PPIP5K2: variants seen among roughly 807,000 people sequenced by gnomAD.
The protein encoded by PPIP5K2 is diphosphoinositol pentakisphosphate kinase 2.
PPIP5K2 carries 105 observed loss-of-function variants against 154.6 expected under a neutral mutation model. The observed-to-expected ratio is 0.68, with a 90% CI of 0.58 to 0.80. PPIP5K2 has a LOEUF of 0.80. Among genes scored for constraint, PPIP5K2 ranks in the 30% least tolerant of loss-of-function variants. The probability of loss-of-function intolerance (pLI) is 0.00; values close to 1 mark genes in which losing one functional copy is unlikely to be tolerated. For missense variants in PPIP5K2, 992 were observed against 1,504.6 expected (o/e 0.66, Z 5.64); for synonymous variants, 480 against 490.3 (o/e 0.98, Z 0.28).
chr5:103,189,279 G>A (rs1554226157), intron 28 of PPIP5K2: 1 of 1,349,074 alleles, frequency 7.4e-7, no homozygotes, highest in Non-Finnish European at 1.0e-6. Flanking sequence ...TTAAATTGCT[G>A]CGCTAACCCT....
intron 2 of PPIP5K2, among the ~76,000 whole-genome samples, chr5:103,132,723 A>T (rs557560518): frequency 6.6e-6 from 1 of 152,214 alleles, no homozygotes; most frequent in African/African-American, 2.4e-5. Flanking sequence ...TGTATATTTG[A>T]TAAAACTCTC....
At chr5:103,128,664 G>A (rs538087890) in intron 1 of PPIP5K2, among the ~76,000 whole-genome samples, 2 of 152,190 alleles carry the variant, frequency 1.3e-5, no homozygotes, top group South Asian at 4.1e-4. Flanking sequence ...AGAATTTAGT[G>A]CACATGTACT....
In PPIP5K2 at chr5:103,210,082, C is replaced by T. The variant is rs1442590798; in HGVS notation, c.*8448C>T. ...AGTCCCACTGCCATACCTGCCTCCT[C>T]GGTGAAATAGATGTAAAAGCCACAA... is the stretch of plus-strand genomic sequence containing the variant. On this transcript the variant is annotated 3_prime_UTR_variant, in exon 31 of 31. Transcript: ENST00000358359. 20 of 152,050 alleles carry T rather than the reference C, an allele frequency of 1.3e-4. No homozygotes were observed. Among genetic ancestry groups the T allele is most frequent in the African/African-American group, 2.4e-4 (10 of 41,368 alleles). The allele number at this position is 152,050 out of a possible 1,614,324, so 9.4% of individuals were successfully genotyped here.
chr5:103,187,961 T>G (rs2149787643), intron 28 of PPIP5K2, among the ~76,000 whole-genome samples: 1 of 152,292 alleles, frequency 6.6e-6, no homozygotes, highest in Non-Finnish European at 1.5e-5. Flanking sequence ...CACTTTGTTC[T>G]TGTGTAGCAA....
chr5:103,174,179 C>A, intron 21 of PPIP5K2: 1 of 425,362 alleles, frequency 2.4e-6, no homozygotes, highest in Non-Finnish European at 4.1e-6. Flanking sequence ...TTTAAGCAAA[C>A]AATAATATAA....
intron 13 of PPIP5K2, 84 bp from the exon 14 acceptor site, chr5:103,155,825 C>T (rs782384039): frequency 5.8e-5 from 49 of 847,330 alleles, no homozygotes; most frequent in African/African-American, 1.5e-4. Context: ...ATTAAACAGG[C>T]GGTTACAAAT....
Position 103,120,321 on chromosome 5 carries a change from T to C in PPIP5K2, c.-452T>C, listed in dbSNP as rs1239610966. The stretch of plus-strand genomic sequence containing the variant: ...GAGGTGTAGTAGCCTGAGGTTCCCT[T>C]ATGTGGCCCTATAGCTGTTACTGAA... On this transcript the variant is annotated 5_prime_UTR_variant, in exon 1 of 31. Coordinates refer to ENST00000358359, the MANE Select transcript of PPIP5K2 (RefSeq NM_001276277.3). 4.7e-6 allele frequency: 2 copies of C among 427,984 alleles called. No individual in the cohort carries two copies. The highest frequency in any genetic ancestry group is 2.5e-5 in the Admixed American group (1 of 40,414). The allele number at this position is 427,984 out of a possible 1,614,324, so 26.5% of individuals were successfully genotyped here.
chr5:103,197,592 T>TTTG (rs1195077579), intron 30 of PPIP5K2, among the ~76,000 whole-genome samples: 1 of 147,032 alleles, frequency 6.8e-6, no homozygotes, highest in Non-Finnish European at 1.5e-5. Context: ...TTTTTTTTTT[T>TTTG]TGAGACGGAG....
At chr5:103,191,600 A>G (rs1416061001) in intron 29 of PPIP5K2, among the ~76,000 whole-genome samples, 1 of 152,096 alleles carries the variant, frequency 6.6e-6, no homozygotes, top group Admixed American at 6.6e-5. Context: ...TTCTTCTGTA[A>G]AGAAAGCTGT....
intron 8 of PPIP5K2, among the ~76,000 whole-genome samples, chr5:103,150,027 C>A (rs1306727057): frequency 6.6e-6 from 1 of 152,058 alleles, no homozygotes; most frequent in Non-Finnish European, 1.5e-5. Context: ...TTTTTTACTT[C>A]TGACATTTGA....
chr5:103,195,045 A>C lies in PPIP5K2; in HGVS notation c.3619+20A>C. On this transcript the variant is annotated intron_variant, in intron 30 of 30. Transcript: ENST00000358359. ...AACCAGGTAAGGGGTGTGTGTGTTG[A>C]GTTTGTGGATTTGCACAGAAATTAG... The C allele has an allele frequency of 6.3e-7, 1 of 1,594,572 alleles. No individual in the cohort carries two copies.
At chr5:103,163,631 T>G (rs1796690100) in intron 17 of PPIP5K2, among the ~76,000 whole-genome samples, 2 of 152,012 alleles carry the variant, frequency 1.3e-5, no homozygotes, top group African/African-American at 4.8e-5. Flanking sequence ...ACATTAAATA[T>G]AAAGTTTTCT....
chr5:103,161,044 G>C (rs1220769678), intron 17 of PPIP5K2, among the ~76,000 whole-genome samples: 1 of 150,186 alleles, frequency 6.7e-6, no homozygotes, highest in East Asian at 1.9e-4. Flanking sequence ...GTGCCATGTT[G>C]GTGTGCTGCA....
At chr5:103,189,079 AC>A in intron 28 of PPIP5K2, 1 of 953,986 alleles carries the variant, frequency 1.0e-6, no homozygotes, top group South Asian at 1.5e-5. Flanking sequence ...TCATGGACTT[AC>A]CCCTCCCTTC....
In PPIP5K2 at chr5:103,163,086, G is replaced by GTT. The variant is rs35922283; in HGVS notation, c.1920+3778_1920+3779dup. Among the ~76,000 whole-genome samples the GTT allele has an allele frequency of 5.2e-3, 307 of 59,546 alleles. 1 individual carries two copies. Among genetic ancestry groups the GTT allele is most frequent in the Non-Finnish European group, 6.8e-3 (201 of 29,740 alleles). 39.1% of individuals were successfully genotyped at this position (59,546 alleles called of 152,430 possible). On this transcript the variant is annotated intron_variant, in intron 17 of 30. Coordinates refer to ENST00000358359, the MANE Select transcript of PPIP5K2 (RefSeq NM_001276277.3). Reference sequence around the variant, plus strand: ...ACCCCAAATGGATCCTTCTTCAAGTGTTTTTTTTTTTTTTTTTTTTTGCAT... The same window carrying GTT: ...ACCCCAAATGGATCCTTCTTCAAGTGTTTTTTTTTTTTTTTTTTTTTTTGCAT...
At chr5:103,122,234 A>T (rs116769081) in intron 1 of PPIP5K2, among the ~76,000 whole-genome samples, 2,008 of 152,290 alleles carry the variant, frequency 0.013, 21 homozygotes, top group Non-Finnish European at 0.02. Context: ...GTTGGGGAGG[A>T]AAAAACCCAA....
Position 103,149,205 on chromosome 5 carries a change from A to G in PPIP5K2, c.798A>G (p.Ala266=), listed in dbSNP as rs1245878805. Residue 266 remains alanine (A), a synonymous_variant, in exon 8 of 31, where the codon GCA becomes GCG. Coordinates refer to ENST00000358359, the MANE Select transcript of PPIP5K2 (RefSeq NM_001276277.3). Reference sequence around the variant, plus strand: ...ATGCTGAAGCTCGAAAATCTCCAGCACTTGATGGCAAGGTGGAACGAGACA... The same window carrying G: ...ATGCTGAAGCTCGAAAATCTCCAGCGCTTGATGGCAAGGTGGAACGAGACA... ...YAHAEARKSP[A]LDGKVERDSE... is the part of the protein sequence containing the mutation. The G allele has an allele frequency of 1.9e-6, 3 of 1,613,926 alleles. No individual in the cohort carries two copies. Among genetic ancestry groups the G allele is most frequent in the African/African-American group, 2.7e-5 (2 of 74,930 alleles).
chr5:103,204,887 G>A lies in PPIP5K2; in HGVS notation c.*3253G>A, dbSNP rs1276862520. 6.6e-6 allele frequency: 1 copy of A among 151,646 alleles called. No individual in the cohort carries two copies. Among genetic ancestry groups the A allele is most frequent in the Non-Finnish European group, 1.5e-5 (1 of 67,936 alleles). 9.4% of individuals were successfully genotyped at this position (151,646 alleles called of 1,614,324 possible). Reference sequence around the variant, plus strand: ...TTTTTTTTTAATACTGTAAGTTCTAGGGTACATGTGCACAATGTGCAGGTT... The same window carrying A: ...TTTTTTTTTAATACTGTAAGTTCTAAGGTACATGTGCACAATGTGCAGGTT... On this transcript the variant is annotated 3_prime_UTR_variant, in exon 31 of 31. Coordinates refer to ENST00000358359, the MANE Select transcript of PPIP5K2 (RefSeq NM_001276277.3).
In PPIP5K2 at chr5:103,167,169, T is replaced by A. The variant is rs781822530; in HGVS notation, c.1921-10T>A. The A allele has an allele frequency of 2.0e-6, 3 of 1,526,400 alleles. No homozygotes were observed. The highest frequency in any genetic ancestry group is 1.3e-5 in the South Asian group (1 of 77,560). The allele number at this position is 1,526,400 out of a possible 1,614,324, so 94.6% of individuals were successfully genotyped here. The stretch of plus-strand genomic sequence containing the variant: ...ACCAGATATAAAATATATACTTTAC[T>A]CATTTGTAGCTTACTCCATCTGGAA... On this transcript the variant is annotated splice_polypyrimidine_tract_variant and intron_variant, in intron 17 of 30. Coordinates refer to ENST00000358359, the MANE Select transcript of PPIP5K2 (RefSeq NM_001276277.3).
Sources: gnomAD v4.1 joint callset for allele counts (sites outside exome capture counted in the v4.1 genomes callset) on GRCh38, gnomAD v4.1.1 for gene constraint, MANE v1.5 for transcripts, NCBI Gene and HGNC (gene_info 2026-07-23, HGNC 2026-07-21) for gene names.